The following NFU1 variants were observed in gnomAD, a reference collection of about 807,000 sequenced individuals.
NFU1 encodes the protein NFU1 iron-sulfur cluster scaffold, also known as NFU1 iron-sulfur cluster scaffold homolog, mitochondrial.
In NFU1, 30 loss-of-function variants were observed where a neutral mutation model predicts 32.2. The ratio of observed to expected loss-of-function variants is 0.93; its 90% confidence interval spans 0.70 to 1.26. NFU1 has a LOEUF of 1.26. NFU1 is among the 50% of genes most tolerant of loss of function. NFU1 has a pLI of 0.00. For missense variants in NFU1, 306 were observed against 306.6 expected, an observed-to-expected ratio of 1.00 and a Z score of 0.02; for synonymous variants, 112 against 104.6, an observed-to-expected ratio of 1.07 and a Z score of -0.43.
chr2:69,398,983 G>A (rs1392830207), intron 7 of NFU1, among the ~76,000 whole-genome samples: 13 of 151,974 alleles, frequency 8.6e-5, no homozygotes, highest in African/African-American at 2.2e-4. Flanking sequence ...AGGCCGAGGC[G>A]GGCAAATTGC....
At chr2:69,415,325 G>GT in intron 4 of NFU1, 26 bp from the exon 5 acceptor site, 3 of 1,376,870 alleles carry the variant, frequency 2.2e-6, no homozygotes, top group Non-Finnish European at 3.1e-6. Context: ...GGAAAATGCT[G>GT]TATTTCCAGG....
intron 5 of NFU1, among the ~76,000 whole-genome samples, chr2:69,411,499 G>A (rs542457979): frequency 5.9e-5 from 9 of 152,200 alleles, no homozygotes; most frequent in African/African-American, 2.2e-4. Context: ...AAAATGAAAA[G>A]TTAAGTCACA....
At chr2:69,423,236 C>CTG (rs139739707) in intron 3 of NFU1, among the ~76,000 whole-genome samples, 1 of 82,806 alleles carries the variant, frequency 1.2e-5, no homozygotes, top group Non-Finnish European at 2.3e-5. Flanking sequence ...GATGGGCTCT[C>CTG]TGTGTGAGTG....
At chr2:69,402,925 T>C (rs576778620) in intron 6 of NFU1, among the ~76,000 whole-genome samples, 69 of 151,598 alleles carry the variant, frequency 4.6e-4, no homozygotes, top group Non-Finnish European at 8.7e-4. Flanking sequence ...AAAAAAAAAA[T>C]TGCCTACCCG....
chr2:69,407,741 C>T (rs964737706), intron 5 of NFU1, among the ~76,000 whole-genome samples: 1 of 150,238 alleles, frequency 6.7e-6, no homozygotes, highest in Non-Finnish European at 1.5e-5. Flanking sequence ...GGGCTGGGCG[C>T]AGTGGTTCCC....
At chr2:69,415,643 T>G (rs972092466) in intron 4 of NFU1, among the ~76,000 whole-genome samples, 2 of 152,190 alleles carry the variant, frequency 1.3e-5, no homozygotes, top group Non-Finnish European at 2.9e-5. Flanking sequence ...TATTTCAAAA[T>G]TATTATACTT....
rs181810135 is a variant in NFU1 at position 69,433,004 on chromosome 2, G to A, written c.63-999C>T. Among the ~76,000 whole-genome samples, 369 of 151,750 alleles carry A rather than the reference G, an allele frequency of 2.4e-3. 3 individuals carry two copies. The highest frequency in any genetic ancestry group is 0.01 in the Middle Eastern group (3 of 294). Reference sequence around the variant, plus strand: ...ATCTCTACTAAAAATACAAAAAATAGCTGGGAGTGGTGGTGGGCGCCTGTA... The same window carrying A: ...ATCTCTACTAAAAATACAAAAAATAACTGGGAGTGGTGGTGGGCGCCTGTA... On this transcript the variant is annotated intron_variant, in intron 1 of 7. Coordinates refer to ENST00000410022, the MANE Select transcript of NFU1 (RefSeq NM_001002755.4).
intron 1 of NFU1, among the ~76,000 whole-genome samples, chr2:69,434,857 A>G (rs1014455922): frequency 9.9e-5 from 15 of 152,214 alleles, no homozygotes; most frequent in African/African-American, 2.9e-4. Flanking sequence ...GTTTTCAAGG[A>G]TAGACTGGCA....
At chr2:69,435,916 C>CTTTT (rs531070579) in intron 1 of NFU1, among the ~76,000 whole-genome samples, 1 of 135,502 alleles carries the variant, frequency 7.4e-6, no homozygotes. Context: ...CCACGCCCAG[C>CTTTT]TTTTTTTTTT....
At chr2:69,411,577 T>TAC (rs1386115585) in intron 5 of NFU1, among the ~76,000 whole-genome samples, 2 of 152,102 alleles carry the variant, frequency 1.3e-5, no homozygotes, top group Non-Finnish European at 2.9e-5. Flanking sequence ...TTTATATATA[T>TAC]ACAGAGAGAA....
At chr2:69,432,761 T>A (rs1334059900) in intron 1 of NFU1, among the ~76,000 whole-genome samples, 1 of 96,362 alleles carries the variant, frequency 1.0e-5, no homozygotes, top group African/African-American at 6.8e-5. Flanking sequence ...AGTGAAAGCC[T>A]CCCTCCTTTC....
At chr2:69,406,249 A>C (rs1672691348) in intron 5 of NFU1, among the ~76,000 whole-genome samples, 167 bp from the exon 6 acceptor site, 1 of 152,208 alleles carries the variant, frequency 6.6e-6, no homozygotes, top group Non-Finnish European at 1.5e-5. Context: ...TGATGACAGA[A>C]ACATTCATTT....
At chr2:69,417,023 G>A (rs902582794) in intron 4 of NFU1, among the ~76,000 whole-genome samples, 2 of 152,126 alleles carry the variant, frequency 1.3e-5, no homozygotes, top group African/African-American at 4.8e-5. Context: ...CTAGTTGTAG[G>A]TAATAAATTA....
chr2:69,396,163 G>T lies in NFU1; in HGVS notation c.*83C>A, dbSNP rs367833258. 19 of 1,080,924 alleles carry T rather than the reference G, an allele frequency of 1.8e-5. No individual in the cohort carries two copies. The East Asian group carries it at 4.3e-4, about 24-fold the overall frequency. The allele number at this position is 1,080,924 out of a possible 1,614,324, so 67.0% of individuals were successfully genotyped here. A position where few individuals can be genotyped will look rare whatever the true frequency, so the allele number is the denominator to read the frequency against. On this transcript the variant is annotated 3_prime_UTR_variant, in exon 8 of 8. Coordinates refer to ENST00000410022, the MANE Select transcript of NFU1 (RefSeq NM_001002755.4). ...AAGAGCATATTTTATTAATCTTCAA[G>T]TTCCTCAGCATATTAATAATAAAAA...
chr2:69,421,329 C>T (rs1257887742), intron 3 of NFU1, among the ~76,000 whole-genome samples: 1 of 151,774 alleles, frequency 6.6e-6, no homozygotes, highest in Non-Finnish European at 1.5e-5. Flanking sequence ...ATTTTAAAAA[C>T]GATTCCAGAG....
At chr2:69,424,199 A>ATATATATATG (rs1553401318) in intron 2 of NFU1, among the ~76,000 whole-genome samples, 18 of 70,758 alleles carry the variant, frequency 2.5e-4, no homozygotes, top group African/African-American at 7.6e-4. Context: ...AAAAAAAAAA[A>ATATATATATG]TATATATATA....
Position 69,413,770 on chromosome 2 carries a change from C to T in NFU1, c.484+1415G>A, listed in dbSNP as rs147792940. 4.1e-3 allele frequency among the ~76,000 whole-genome samples: 583 copies of T among 143,264 alleles called. 3 individuals carry two copies. The highest frequency in any genetic ancestry group is 0.012 in the African/African-American group (470 of 38,240). The allele number at this position is 143,264 out of a possible 152,430, so 94.0% of individuals were successfully genotyped here. On this transcript the variant is annotated intron_variant, in intron 5 of 7. Transcript: ENST00000410022. ...CAAGACTCTGTCTCAAAAATAAGGC[C>T]GGGCACGATGGCTCATGCCTGTAAT...
chr2:69,434,746 T>C (rs1418662514), intron 1 of NFU1, among the ~76,000 whole-genome samples: 2 of 152,166 alleles, frequency 1.3e-5, no homozygotes, highest in Non-Finnish European at 2.9e-5. Flanking sequence ...TGCTAATTCA[T>C]CAAGACAGGG....
At chr2:69,435,103 C>T (rs1177815129) in intron 1 of NFU1, among the ~76,000 whole-genome samples, 1 of 152,214 alleles carries the variant, frequency 6.6e-6, no homozygotes, top group Non-Finnish European at 1.5e-5. Flanking sequence ...TACATCTACA[C>T]CTTAGCAGAA....
Sources: allele counts gnomAD v4.1 joint callset (sites outside exome capture counted in the v4.1 genomes callset), GRCh38; gene constraint gnomAD v4.1.1; transcripts MANE v1.5; gene names NCBI Gene and HGNC (gene_info 2026-07-23, HGNC 2026-07-21).